The following ANTXR1 variants were observed in gnomAD, a reference collection of about 807,000 sequenced individuals.
ANTXR1 encodes ANTXR cell adhesion molecule 1.
Under a neutral mutation model 78.1 loss-of-function variants are expected in ANTXR1, and 19 were observed. The ratio of observed to expected loss-of-function variants is 0.24; its 90% CI spans 0.17 to 0.36. The LOEUF (loss-of-function observed/expected upper bound fraction) is 0.36. ANTXR1 is among the 10% of genes least tolerant of loss of function. ANTXR1 has a pLI of 1.00. For synonymous variants in ANTXR1, 273 were observed against 260.5 expected (o/e 1.05, Z -0.46); for missense variants, 518 against 718.6 (o/e 0.72, Z 3.19).
chr2:69,073,794 G>A (rs1471039512), intron 6 of ANTXR1, among the ~76,000 whole-genome samples: 1 of 152,100 alleles, frequency 6.6e-6, no homozygotes. Flanking sequence ...TGCATAATTA[G>A]TATAAAAGGA....
At chr2:69,090,172 A>G (rs1267074472) in intron 8 of ANTXR1, among the ~76,000 whole-genome samples, 1 of 151,852 alleles carries the variant, frequency 6.6e-6, no homozygotes, top group Non-Finnish European at 1.5e-5. Context: ...GCAAAAAAGG[A>G]ACTCTTGGTC....
At chr2:69,155,304 A>C (rs1673492992) in intron 13 of ANTXR1, among the ~76,000 whole-genome samples, 1 of 152,184 alleles carries the variant, frequency 6.6e-6, no homozygotes, top group Non-Finnish European at 1.5e-5. Flanking sequence ...CTGGCTTTTA[A>C]GATTCCTATA....
intron 3 of ANTXR1, among the ~76,000 whole-genome samples, chr2:69,055,294 G>A (rs1670036220): frequency 6.6e-6 from 1 of 152,186 alleles, no homozygotes; most frequent in African/African-American, 2.4e-5. Context: ...ATAGAGGGAT[G>A]CAGGTAGAAA....
chr2:69,167,211 G>A (rs919119385), intron 13 of ANTXR1, among the ~76,000 whole-genome samples: 2 of 152,242 alleles, frequency 1.3e-5, no homozygotes, highest in African/African-American at 2.4e-5. Context: ...TGTGGGACAT[G>A]GGGGCAGTTT....
At chr2:69,026,099 C>T (rs917117468) in intron 1 of ANTXR1, among the ~76,000 whole-genome samples, 3 of 152,222 alleles carry the variant, frequency 2.0e-5, no homozygotes, top group Admixed American at 6.5e-5. Context: ...TAATACCTCT[C>T]ACTATCTTAG....
chr2:69,126,712 T>A (rs1378893089), intron 12 of ANTXR1, among the ~76,000 whole-genome samples: 2 of 151,946 alleles, frequency 1.3e-5, no homozygotes, highest in African/African-American at 4.8e-5. Flanking sequence ...CAACTTTAAA[T>A]CATGGGCCTC....
chr2:69,109,302 G>T (rs1671908110), intron 10 of ANTXR1, among the ~76,000 whole-genome samples: 1 of 152,150 alleles, frequency 6.6e-6, no homozygotes, highest in Non-Finnish European at 1.5e-5. Flanking sequence ...GATATCAATT[G>T]TCTTCATCTT....
intron 16 of ANTXR1, among the ~76,000 whole-genome samples, chr2:69,183,375 A>T (rs1428611639): frequency 1.3e-5 from 2 of 151,910 alleles, no homozygotes; most frequent in Non-Finnish European, 2.9e-5. Context: ...GAGGCAGTTA[A>T]TGTTTCCTAA....
intron 17 of ANTXR1, among the ~76,000 whole-genome samples, chr2:69,233,019 TTGA>T (rs1675661056): frequency 6.6e-6 from 1 of 152,142 alleles, no homozygotes; most frequent in Non-Finnish European, 1.5e-5. Flanking sequence ...TTCTAAAATC[TTGA>T]TGAATTATTT....
At chr2:69,102,027 T>G (rs1440053035) in intron 9 of ANTXR1, among the ~76,000 whole-genome samples, 1 of 152,216 alleles carries the variant, frequency 6.6e-6, no homozygotes, top group Non-Finnish European at 1.5e-5. Flanking sequence ...AATGAGAAAT[T>G]AATATGCAGG....
intron 14 of ANTXR1, among the ~76,000 whole-genome samples, chr2:69,178,576 A>T (rs897961602): frequency 7.1e-6 from 1 of 141,562 alleles, no homozygotes; most frequent in African/African-American, 3.2e-5. Context: ...GGCCAGGGGC[A>T]AGAGGGAGGG....
intron 14 of ANTXR1, among the ~76,000 whole-genome samples, chr2:69,179,044 C>T (rs1033254655): frequency 4.6e-5 from 7 of 152,144 alleles, no homozygotes; most frequent in Non-Finnish European, 1.0e-4. Flanking sequence ...CTTTCAGAGC[C>T]ATATTTTGTA....
chr2:69,112,127 T>A (rs1672009208), intron 10 of ANTXR1, among the ~76,000 whole-genome samples: 2 of 152,200 alleles, frequency 1.3e-5, no homozygotes, highest in South Asian at 2.1e-4. Flanking sequence ...TTCATGGGGA[T>A]GCCCATCAGA....
rs1669533064 is a variant in ANTXR1 at position 69,038,938 on chromosome 2, C to T, written c.153-1106C>T. Reference sequence around the variant, plus strand: ...TCCATTAAAAGGAAAGCAAAAAGTCCTCTTAAATCTCTATAAAATAGTTTG... The same window carrying T: ...TCCATTAAAAGGAAAGCAAAAAGTCTTCTTAAATCTCTATAAAATAGTTTG... On this transcript the variant is annotated intron_variant, in intron 1 of 17. Coordinates refer to ENST00000303714, the MANE Select transcript of ANTXR1 (RefSeq NM_032208.3). 2.0e-5 allele frequency among the ~76,000 whole-genome samples: 3 copies of T among 152,124 alleles called. 1 individual carries two copies. The South Asian group carries it at 6.2e-4, about 32-fold the overall frequency.
intron 8 of ANTXR1, among the ~76,000 whole-genome samples, chr2:69,084,372 A>G (rs1670984958): frequency 6.6e-6 from 1 of 152,224 alleles, no homozygotes; most frequent in Admixed American, 6.5e-5. Flanking sequence ...CTAACAGAGT[A>G]GCATCTATTT....
chr2:69,046,102 C>G (rs1286144560), intron 3 of ANTXR1, among the ~76,000 whole-genome samples: 2 of 152,122 alleles, frequency 1.3e-5, no homozygotes. Flanking sequence ...TGATGCCACC[C>G]CTTATGCAGA....
intron 17 of ANTXR1, among the ~76,000 whole-genome samples, chr2:69,202,420 G>T (rs1050323833): frequency 1.3e-5 from 2 of 152,142 alleles, no homozygotes; most frequent in Non-Finnish European, 2.9e-5. Flanking sequence ...TGATGGGGTT[G>T]GGAGCAAAGC....
intron 17 of ANTXR1, among the ~76,000 whole-genome samples, chr2:69,219,125 G>T (rs1019284512): frequency 1.3e-5 from 2 of 152,082 alleles, no homozygotes; most frequent in Admixed American, 1.3e-4. Context: ...CCACGAAAGG[G>T]CAGCTTGCCC....
chr2:69,036,528 C>T (rs67732385), intron 1 of ANTXR1, among the ~76,000 whole-genome samples: 12,643 of 152,072 alleles, frequency 0.083, 567 homozygotes, highest in Admixed American at 0.13. Flanking sequence ...AAATTCCTCC[C>T]GGCAGAAATT....
Sources: allele counts gnomAD v4.1 joint callset (sites outside exome capture counted in the v4.1 genomes callset), GRCh38; gene constraint gnomAD v4.1.1; transcripts MANE v1.5; gene names NCBI Gene and HGNC (gene_info 2026-07-23, HGNC 2026-07-21).